The following RANGAP1 variants were observed in gnomAD, a reference collection of about 807,000 sequenced individuals.
RANGAP1 encodes Ran GTPase activating protein 1.
A neutral mutation model predicts 63.5 loss-of-function variants in RANGAP1; 38 were observed. The observed-to-expected ratio is 0.60, with a 90% CI of 0.46 to 0.78. The LOEUF (loss-of-function observed/expected upper bound fraction) is 0.78. Ranked by LOEUF, RANGAP1 falls within the 30% of genes least tolerant of loss-of-function variation. The probability of loss-of-function intolerance (pLI) is 0.00; values close to 1 mark genes in which losing one functional copy is unlikely to be tolerated. For synonymous variants in RANGAP1, 329 were observed against 310.5 expected (o/e 1.06, Z -0.63); for missense variants, 630 against 740.3 (o/e 0.85, Z 1.73).
the RANGAP1 span, among the ~76,000 whole-genome samples, chr22:41,297,837 C>T: frequency 8.6e-5 from 13 of 151,562 alleles, no homozygotes; most frequent in Non-Finnish European, 1.5e-4. Context: ...ACTACAGGTG[C>T]ACACCACCAC....
intron 2 of RANGAP1, among the ~76,000 whole-genome samples, chr22:41,279,985 C>A (rs1435508084): frequency 6.6e-6 from 1 of 151,924 alleles, no homozygotes; most frequent in Non-Finnish European, 1.5e-5. Context: ...GTAATCCCAG[C>A]TACTCAGGAG....
In RANGAP1 at chr22:41,246,690, T is replaced by A; in HGVS notation, c.1695-18A>T. On this transcript the variant is annotated intron_variant, in intron 15 of 15. Coordinates refer to ENST00000356244, the MANE Select transcript of RANGAP1 (RefSeq NM_002883.4). The stretch of plus-strand genomic sequence containing the variant: ...TGTTGGGCCTGCGGGGAAAGAGGGG[T>A]CAGCAGGTCGGTGGATGCCTCTTGG... 6.5e-7 allele frequency: 1 copy of A among 1,544,474 alleles called. No homozygotes were observed. The highest frequency in any genetic ancestry group is 1.4e-5 in the African/African-American group (1 of 73,316).
At chr22:41,249,479 T>C (rs761888549) in intron 14 of RANGAP1, 28 bp from the exon 15 acceptor site, 7 of 1,584,304 alleles carry the variant, frequency 4.4e-6, no homozygotes, top group Non-Finnish European at 5.1e-6. Context: ...AAAAGCGGGG[T>C]GAGCTTCAAA....
In RANGAP1 at chr22:41,256,832, G is replaced by T. The variant is rs2033869887; in HGVS notation, c.775-8C>A. On this transcript the variant is annotated splice_region_variant and splice_polypyrimidine_tract_variant and intron_variant, in intron 7 of 15. Coordinates refer to ENST00000356244, the MANE Select transcript of RANGAP1 (RefSeq NM_002883.4). ...CCGCAAGGTCTTCAAGGTCTGTGAG[G>T]GGGAAGCAAGGGTCCAGAGTGAGGG... 3.7e-6 allele frequency: 6 copies of T among 1,610,754 alleles called. No individual in the cohort carries two copies. The highest frequency in any genetic ancestry group is 2.2e-5 in the East Asian group (1 of 44,836).
rs2032988390 is a variant in RANGAP1, at chr22:41,245,735, C to G, written c.*868G>C. ...GAGGTCATACAGCATCTGCCCAGTCCAGACCCTACCGCTCCCCTGCCCCAG... is the reference window on the plus strand; with the variant it reads ...GAGGTCATACAGCATCTGCCCAGTCGAGACCCTACCGCTCCCCTGCCCCAG... On this transcript the variant is annotated 3_prime_UTR_variant, in exon 16 of 16. Transcript: ENST00000356244. The G allele has an allele frequency of 6.6e-6, 1 of 152,554 alleles. No individual in the cohort carries two copies. The highest frequency in any genetic ancestry group is 6.5e-5 in the Admixed American group (1 of 15,294). 9.5% of individuals were successfully genotyped at this position (152,554 alleles called of 1,614,324 possible).
intron 4 of RANGAP1, among the ~76,000 whole-genome samples, chr22:41,266,151 G>T (rs559403114): frequency 6.7e-6 from 1 of 149,514 alleles, no homozygotes; most frequent in Admixed American, 6.7e-5. Context: ...GCAGTGAGCC[G>T]AGATCGTGCC....
chr22:41,258,543 A>C (rs2033977722), intron 6 of RANGAP1, among the ~76,000 whole-genome samples: 1 of 152,164 alleles, frequency 6.6e-6, no homozygotes, highest in South Asian at 2.1e-4. Context: ...CCCCTTCGAC[A>C]TGGCGTCCTT....
intron 4 of RANGAP1, 22 bp downstream of exon 4, chr22:41,268,075 G>A (rs894158025): frequency 6.6e-7 from 1 of 1,522,532 alleles, no homozygotes; most frequent in Admixed American, 1.9e-5. Flanking sequence ...GCGTGGAGGG[G>A]AAGAGCGGCT....
chr22:41,249,842 A>T, intron 13 of RANGAP1, 25 bp from the exon 14 acceptor site: 1 of 1,593,136 alleles, frequency 6.3e-7, no homozygotes, highest in Non-Finnish European at 8.6e-7. Context: ...CAGCAGGGGC[A>T]GGCTGCTGGC....
At chr22:41,289,579 C>T (rs1003666172), upstream of RANGAP1, among the ~76,000 whole-genome samples, 3 of 151,928 alleles carry the variant, frequency 2.0e-5, no homozygotes, top group African/African-American at 4.8e-5. Context: ...GCTGAGATCA[C>T]GCCATTGCAC....
At chr22:41,282,834 C>T (rs993234080) in intron 1 of RANGAP1, among the ~76,000 whole-genome samples, 2 of 151,986 alleles carry the variant, frequency 1.3e-5, no homozygotes, top group African/African-American at 4.8e-5. Context: ...CTGTGAGATG[C>T]TCCAAAAAAA....
chr22:41,258,135 G>C, intron 6 of RANGAP1, 29 bp from the exon 7 acceptor site: 1 of 1,564,634 alleles, frequency 6.4e-7, no homozygotes, highest in Non-Finnish European at 8.7e-7. Flanking sequence ...GAGTGGAGGG[G>C]GCCCCGAGTG....
Position 41,256,062 on chromosome 22 carries a change from C to CA in RANGAP1, c.1031dup (p.Leu345AlafsTer15). ...CCTTGGCCATGTTGAAGCCCTCCAGCACCTCCTGAAGCTGTTCACAGCCTT... is the reference window on the plus strand; with the variant it reads ...CCTTGGCCATGTTGAAGCCCTCCAGCAACCTCCTGAAGCTGTTCACAGCCTT... On this transcript the variant is annotated frameshift_variant, in exon 10 of 16. Transcript: ENST00000356244. LOFTEE classifies it high-confidence loss of function. 2 of 1,614,074 alleles carry CA rather than the reference C, an allele frequency of 1.2e-6. No homozygotes were observed.
upstream of RANGAP1, among the ~76,000 whole-genome samples, chr22:41,288,890 C>A (rs1342531641): frequency 6.7e-6 from 1 of 149,060 alleles, no homozygotes; most frequent in Non-Finnish European, 1.5e-5. Flanking sequence ...CACCCCCTAG[C>A]AATCTGGATT....
upstream of RANGAP1, among the ~76,000 whole-genome samples, chr22:41,286,511 T>G (rs1366695670): frequency 6.6e-6 from 1 of 152,256 alleles, no homozygotes; most frequent in East Asian, 1.9e-4. Flanking sequence ...CCCAGGTCCC[T>G]CAGCTCTTCC....
At chr22:41,274,466 G>A in intron 3 of RANGAP1, 134 bp downstream of exon 3, 2 of 1,356,476 alleles carry the variant, frequency 1.5e-6, no homozygotes, top group Non-Finnish European at 2.0e-6. Context: ...GGGGAGGCCA[G>A]AGGAAGAGGA....
chr22:41,266,888 C>CTTTTTTTTTTTT (rs139523), intron 4 of RANGAP1, among the ~76,000 whole-genome samples: 2 of 137,138 alleles, frequency 1.5e-5, no homozygotes, highest in Non-Finnish European at 1.5e-5. Context: ...AATGAATTTC[C>CTTTTTTTTTTTT]TTTTTTTTTT....
At position 41,244,919 on chromosome 22, in the gene RANGAP1, C is replaced by T. The variant is rs2032946342; in HGVS notation, c.*1684G>A. Among the ~76,000 whole-genome samples the T allele has an allele frequency of 1.3e-5, 2 of 152,212 alleles. No individual in the cohort carries two copies. Among genetic ancestry groups the T allele is most frequent in the African/African-American group, 2.4e-5 (1 of 41,438 alleles). ...TTGCAGCCTCACTCCCTATTCCACC[C>T]TTCCCCTAGCCCTGGCAACCTCTAC... On this transcript the variant is annotated 3_prime_UTR_variant, in exon 16 of 16. Transcript: ENST00000356244.
At position 41,257,890 on chromosome 22, in the gene RANGAP1, A is replaced by C. The variant is rs1461707781; in HGVS notation, c.774+58T>G. 1 of 1,526,580 alleles carries C rather than the reference A, an allele frequency of 6.6e-7. No homozygotes were observed. The highest frequency in any genetic ancestry group is 8.9e-7 in the Non-Finnish European group (1 of 1,126,892). 94.6% of individuals were successfully genotyped at this position (1,526,580 alleles called of 1,614,324 possible). ...AAACGGAGCCCCAGCTTCCCTGGAA[A>C]GACAGCAGCCAGCCTCTATCTGGCG... On this transcript the variant is annotated intron_variant, in intron 7 of 15. Transcript: ENST00000356244. The surrounding 1 kb of genome is among the most constrained non-coding windows in gnomAD (Gnocchi z 4.0).
Sources: allele counts gnomAD v4.1 joint callset (sites outside exome capture counted in the v4.1 genomes callset), GRCh38; gene constraint gnomAD v4.1.1; non-coding constraint Gnocchi (gnomAD v3.1); transcripts MANE v1.5; gene names NCBI Gene and HGNC (gene_info 2026-07-23, HGNC 2026-07-21).